EDNRA: variants seen among roughly 807,000 people sequenced by gnomAD.
EDNRA encodes endothelin receptor type A.
In EDNRA, 11 loss-of-function variants were observed where a neutral mutation model predicts 41.4. That is an observed-to-expected ratio of 0.27 (90% CI 0.17 to 0.44). The LOEUF (loss-of-function observed/expected upper bound fraction) is 0.44. EDNRA is among the 20% of genes least tolerant of loss of function. The pLI is 1.00. For missense variants in EDNRA, 294 were observed against 531.0 expected (o/e 0.55, Z 4.39); for synonymous variants, 172 against 183.0 (o/e 0.94, Z 0.49).
rs982588230 is a variant in EDNRA, at chr4:147,486,279, T to A, written c.420+178T>A. ...ACAAATTTTATTATCTGTCTTATGT[T>A]ACACTTAGTTTCTACCTTAATTGTA... On this transcript the variant is annotated intron_variant, in intron 2 of 7. Coordinates refer to ENST00000651419, the MANE Select transcript of EDNRA (RefSeq NM_001957.4). This position sits in a 1 kb window ranked among gnomAD's most constrained non-coding sequence, Gnocchi z 4.3. Among the ~76,000 whole-genome samples, 1 of 152,236 alleles carries A rather than the reference T, an allele frequency of 6.6e-6. No homozygotes were observed. Among genetic ancestry groups the A allele is most frequent in the African/African-American group, 2.4e-5 (1 of 41,468 alleles).
At chr4:147,506,510 T>C in intron 2 of EDNRA, 1 of 290,458 alleles carries the variant, frequency 3.4e-6, no homozygotes, top group South Asian at 4.2e-5. Flanking sequence ...AATACAATAC[T>C]GAATGTGAAA....
intron 3 of EDNRA, among the ~76,000 whole-genome samples, chr4:147,528,745 A>G (rs1279704927): frequency 6.6e-6 from 1 of 152,166 alleles, no homozygotes; most frequent in Admixed American, 6.5e-5. Flanking sequence ...TCAGGGTGAG[A>G]GAGACAATTC....
At chr4:147,526,113 T>C (rs1307688132) in intron 3 of EDNRA, among the ~76,000 whole-genome samples, 3 of 152,244 alleles carry the variant, frequency 2.0e-5, no homozygotes, top group Non-Finnish European at 4.4e-5. Context: ...AGTCCAAGGC[T>C]GGCTAGGGCA....
intron 1 of EDNRA, among the ~76,000 whole-genome samples, chr4:147,483,186 CA>C (rs145532772): frequency 0.026 from 4,014 of 151,950 alleles, 191 homozygotes; most frequent in African/African-American, 0.092. Context: ...TTATAAGAAG[CA>C]GGAAAAAACT....
chr4:147,503,805 A>G (rs1560900690), intron 2 of EDNRA, among the ~76,000 whole-genome samples: 1 of 152,164 alleles, frequency 6.6e-6, no homozygotes, highest in Non-Finnish European at 1.5e-5. Context: ...CATTGAGGAC[A>G]CCAAATTTTT....
chr4:147,542,725 C>T lies in EDNRA; in HGVS notation c.*107C>T. The stretch of plus-strand genomic sequence containing the variant: ...CTTCTCTGATCCTTCTTCCTTAATT[C>T]ACTCCCACACCCAAGAAGAAATGCT... On this transcript the variant is annotated 3_prime_UTR_variant, in exon 8 of 8. Coordinates refer to ENST00000651419, the MANE Select transcript of EDNRA (RefSeq NM_001957.4). 2.8e-6 allele frequency: 4 copies of T among 1,410,412 alleles called. No individual in the cohort carries two copies. The highest frequency in any genetic ancestry group is 3.8e-6 in the Non-Finnish European group (4 of 1,050,760). The allele number at this position is 1,410,412 out of a possible 1,614,324, so 87.4% of individuals were successfully genotyped here.
intron 3 of EDNRA, among the ~76,000 whole-genome samples, chr4:147,523,365 C>T (rs1035368902): frequency 6.6e-6 from 1 of 151,928 alleles, no homozygotes; most frequent in Non-Finnish European, 1.5e-5. Flanking sequence ...ACTTCTATTT[C>T]TTTCAGGGCC....
chr4:147,542,342 CT>C, intron 7 of EDNRA, 135 bp from the exon 8 acceptor site: 1 of 1,198,906 alleles, frequency 8.3e-7, no homozygotes, highest in South Asian at 1.5e-5. Context: ...GCTCTCCACT[CT>C]AGGTTACTGT....
Position 147,519,832 on chromosome 4 carries a change from C to T in EDNRA, c.421-19C>T. 1 of 1,612,580 alleles carries T rather than the reference C, an allele frequency of 6.2e-7. No individual in the cohort carries two copies. Among genetic ancestry groups the T allele is most frequent in the Non-Finnish European group, 8.5e-7 (1 of 1,179,154 alleles). ...GTGCCAGCTCTACCATTTCTTACCACTGTGTCTCCTTCTTTCAGCTGCTGG... is the reference window on the plus strand; with the variant it reads ...GTGCCAGCTCTACCATTTCTTACCATTGTGTCTCCTTCTTTCAGCTGCTGG... On this transcript the variant is annotated intron_variant, in intron 2 of 7. Transcript: ENST00000651419. This position sits in a 1 kb window ranked among gnomAD's most constrained non-coding sequence, Gnocchi z 4.1.
In EDNRA at chr4:147,539,892, C is replaced by T; in HGVS notation, c.976C>T (p.Arg326Cys). 2 of 1,613,240 alleles carry T rather than the reference C, an allele frequency of 1.2e-6. No homozygotes were observed. Among genetic ancestry groups the T allele is most frequent in the Non-Finnish European group, 1.7e-6 (2 of 1,179,884 alleles). The change falls in exon 6 of 8, where the codon CGT becomes TGT. Residue 326 changes from arginine to cysteine, a missense_variant. Arg to Cys is a radical substitution (Grantham distance 180). Transcript: ENST00000651419. ...ALCWFPLHLS[R>C]ILKKTVYNEM... Reference sequence around the variant, plus strand: ...TTGCTGGTTCCCTCTTCATTTAAGCCGTATATTGAAGAAAACTGTGTATAA... The same window carrying T: ...TTGCTGGTTCCCTCTTCATTTAAGCTGTATATTGAAGAAAACTGTGTATAA...
chr4:147,542,932 T>C lies in EDNRA; in HGVS notation c.*314T>C, dbSNP rs201802786. 2 of 203,294 alleles carry C rather than the reference T, an allele frequency of 9.8e-6. No homozygotes were observed. Among genetic ancestry groups the C allele is most frequent in the Non-Finnish European group, 2.0e-5 (2 of 101,360 alleles). The allele number at this position is 203,294 out of a possible 1,614,324, so 12.6% of individuals were successfully genotyped here. A position where few individuals can be genotyped will look rare whatever the true frequency, so the allele number is the denominator to read the frequency against. ...GATATTTACTACTTTTGCATGAAAA[T>C]AGAGCTTTCAAGTACATGGCTAGCT... On this transcript the variant is annotated 3_prime_UTR_variant, in exon 8 of 8. Coordinates refer to ENST00000651419, the MANE Select transcript of EDNRA (RefSeq NM_001957.4).
At chr4:147,490,193 A>C (rs1430392934) in intron 2 of EDNRA, 1 of 151,066 alleles carries the variant, frequency 6.6e-6, no homozygotes, top group Non-Finnish European at 1.5e-5. Flanking sequence ...ACACAACCTG[A>C]TGATAAAAGA....
intron 2 of EDNRA, among the ~76,000 whole-genome samples, chr4:147,514,840 T>A (rs1050463815): frequency 3.3e-5 from 5 of 152,214 alleles, no homozygotes; most frequent in Admixed American, 2.0e-4. Flanking sequence ...CATTTGACTG[T>A]CAGCTGTCAT....
intron 2 of EDNRA, among the ~76,000 whole-genome samples, chr4:147,499,419 T>C (rs890583176): frequency 2.6e-5 from 4 of 152,222 alleles, no homozygotes; most frequent in Non-Finnish European, 5.9e-5. Context: ...GGTATCCCAC[T>C]AGGCATAATG....
intron 2 of EDNRA, chr4:147,490,280 GT>G (rs1292540644): frequency 2.0e-5 from 3 of 152,022 alleles, no homozygotes; most frequent in Non-Finnish European, 4.4e-5. Flanking sequence ...TGCCTTCTTG[GT>G]TTTGAAACAC....
chr4:147,540,016 C>T, intron 6 of EDNRA, 66 bp downstream of exon 6: 4 of 1,529,976 alleles, frequency 2.6e-6, no homozygotes. Flanking sequence ...AATACTTTTA[C>T]AAAACCAGCT....
chr4:147,494,395 A>G (rs906220517), intron 2 of EDNRA: 2 of 152,308 alleles, frequency 1.3e-5, no homozygotes, highest in African/African-American at 4.8e-5. Flanking sequence ...GGGTGACCTC[A>G]ATACAAGGTG....
At chr4:147,522,901 C>CA (rs1730375028) in intron 3 of EDNRA, among the ~76,000 whole-genome samples, 1 of 152,130 alleles carries the variant, frequency 6.6e-6, no homozygotes, top group African/African-American at 2.4e-5. Context: ...AAGTTACAGG[C>CA]AAAAACATAA....
intron 2 of EDNRA, chr4:147,506,194 C>T: frequency 1.9e-6 from 1 of 525,088 alleles, no homozygotes; most frequent in South Asian, 1.4e-5. Flanking sequence ...GTGTCATTTA[C>T]TTTGAATGAA....
Sources: gnomAD v4.1 joint callset for allele counts (sites outside exome capture counted in the v4.1 genomes callset) on GRCh38, gnomAD v4.1.1 for gene constraint, Gnocchi (gnomAD v3.1) non-coding constraint, MANE v1.5 for transcripts, NCBI Gene and HGNC (gene_info 2026-07-23, HGNC 2026-07-21) for gene names.